Variants in CBX5 observed in about 807,000 individuals in gnomAD.
CBX5 encodes the protein chromobox protein homolog 5.
In CBX5, 7 loss-of-function variants were observed where a neutral mutation model predicts 20.7. The ratio of observed to expected loss-of-function variants is 0.34; its 90% CI spans 0.19 to 0.63. The LOEUF (loss-of-function observed/expected upper bound fraction) is 0.63. Ranked by LOEUF, CBX5 falls within the 30% of genes least tolerant of loss-of-function variation. The pLI is 0.75. For missense variants in CBX5, 110 were observed against 224.1 expected (o/e 0.49, Z 3.25); for synonymous variants, 78 against 77.0 (o/e 1.01, Z -0.07).
Position 54,231,402 on chromosome 12 carries a change from T to G in CBX5, c.*10353A>C, listed in dbSNP as rs1241976734. On this transcript the variant is annotated 3_prime_UTR_variant, in exon 5 of 5. Coordinates refer to ENST00000209875, the MANE Select transcript of CBX5 (RefSeq NM_012117.3). ...GGCTACTTGGCAGGGAGTCAGACTG[T>G]GCTCTCTCCATTCCCCAGGACTCCA... 6.5e-6 allele frequency: 1 copy of G among 154,666 alleles called. No individual in the cohort carries two copies. Among genetic ancestry groups the G allele is most frequent in the Non-Finnish European group, 1.5e-5 (1 of 68,084 alleles). 9.6% of individuals were successfully genotyped at this position (154,666 alleles called of 1,614,324 possible).
chr12:54,257,537 T>G lies in CBX5; in HGVS notation c.114A>C (p.Leu38=). Residue 38 remains leucine (L), a synonymous_variant, in exon 2 of 5, where the codon CTA becomes CTC. Transcript: ENST00000209875. ...RRVVKGQVEY[L]LKWKGFSEEH... ...ACTCAGAAAAGCCTTTCCACTTCAG[T>G]AGATATTCCACTTGTCCCTTAACCA... 1.9e-6 allele frequency: 3 copies of G among 1,614,050 alleles called. No individual in the cohort carries two copies. Among genetic ancestry groups the G allele is most frequent in the East Asian group, 2.2e-5 (1 of 44,888 alleles).
rs1192733052 is a variant in CBX5, at chr12:54,249,584, C to T, written c.324+2457G>A. ...GCTGGAAGATTCCGAAGTAGACTTA[C>T]GCTTTTATGAAATGTAAAGTGTATG... On this transcript the variant is annotated intron_variant, in intron 3 of 4. Transcript: ENST00000209875. 4.6e-5 allele frequency among the ~76,000 whole-genome samples: 7 copies of T among 151,914 alleles called. No individual in the cohort carries two copies. In the East Asian group the frequency reaches 1.2e-3, roughly 25 times the overall value.
intron 3 of CBX5, among the ~76,000 whole-genome samples, chr12:54,250,109 C>T (rs1212679848): frequency 6.6e-6 from 1 of 152,060 alleles, no homozygotes; most frequent in African/African-American, 2.4e-5. Flanking sequence ...GTAATCCCAA[C>T]TACTCTGGAA....
chr12:54,259,936 C>T (rs1330233988), intron 1 of CBX5, among the ~76,000 whole-genome samples: 1 of 152,112 alleles, frequency 6.6e-6, no homozygotes, highest in Non-Finnish European at 1.5e-5. Context: ...CCTTCTACAA[C>T]ACGATCAGTA....
rs1592151202 is a variant in CBX5, at chr12:54,235,541, G to A, written c.*6214C>T. 2 of 152,242 alleles carry A rather than the reference G, an allele frequency of 1.3e-5. No individual in the cohort carries two copies. Among genetic ancestry groups the A allele is most frequent in the South Asian group, 2.1e-4 (1 of 4,824 alleles). 9.4% of individuals were successfully genotyped at this position (152,242 alleles called of 1,614,324 possible). On this transcript the variant is annotated 3_prime_UTR_variant, in exon 5 of 5. Coordinates refer to ENST00000209875, the MANE Select transcript of CBX5 (RefSeq NM_012117.3). The stretch of plus-strand genomic sequence containing the variant: ...AGGCAGGAGAATGGCGTGAACCCGG[G>A]AGGTGGAGCTTGCAGTGAGCCGAGA...
At chr12:54,253,793 C>T (rs1485788698) in intron 2 of CBX5, among the ~76,000 whole-genome samples, 2 of 147,142 alleles carry the variant, frequency 1.4e-5, no homozygotes, top group Non-Finnish European at 3.0e-5. Flanking sequence ...GATGGAGTCT[C>T]ACTCTGTCTT....
At chr12:54,250,589 A>G (rs1943785583) in intron 3 of CBX5, among the ~76,000 whole-genome samples, 1 of 149,764 alleles carries the variant, frequency 6.7e-6, no homozygotes, top group Middle Eastern at 3.4e-3. Context: ...GTGGATCATG[A>G]GGTCAGGAGA....
chr12:54,257,892 G>A (rs910601379), intron 1 of CBX5, among the ~76,000 whole-genome samples, 200 bp from the exon 2 acceptor site: 3 of 152,030 alleles, frequency 2.0e-5, no homozygotes, highest in South Asian at 4.1e-4. Flanking sequence ...CCTCCTCTTC[G>A]GCTAAAGAGA....
chr12:54,243,319 T>C (rs919492669), intron 4 of CBX5, among the ~76,000 whole-genome samples: 2 of 152,150 alleles, frequency 1.3e-5, no homozygotes, highest in African/African-American at 4.8e-5. Context: ...CTCATACCTA[T>C]AATCCCAGCA....
Position 54,236,785 on chromosome 12 carries a change from T to C in CBX5, c.*4970A>G, listed in dbSNP as rs2137005368. Reference sequence around the variant, plus strand: ...TATTTTATGCCCTCAAAACTGAACCTTAAGGTAGAGACAATTGCTCCCCGG... The same window carrying C: ...TATTTTATGCCCTCAAAACTGAACCCTAAGGTAGAGACAATTGCTCCCCGG... On this transcript the variant is annotated 3_prime_UTR_variant, in exon 5 of 5. Transcript: ENST00000209875. The C allele has an allele frequency of 6.6e-6, 1 of 152,258 alleles. No individual in the cohort carries two copies. Among genetic ancestry groups the C allele is most frequent in the South Asian group, 2.1e-4 (1 of 4,826 alleles). The allele number at this position is 152,258 out of a possible 1,614,324, so 9.4% of individuals were successfully genotyped here.
rs1426130987 is a variant in CBX5, at chr12:54,237,973, C to T, written c.*3782G>A. ...TTGGGAGGCCAAGGTGGGCAGATCA[C>T]AAGGTCAGGAAATCGAGACCATCCT... is the stretch of plus-strand genomic sequence containing the variant. On this transcript the variant is annotated 3_prime_UTR_variant, in exon 5 of 5. Transcript: ENST00000209875. 2 of 152,308 alleles carry T rather than the reference C, an allele frequency of 1.3e-5. No homozygotes were observed. The highest frequency in any genetic ancestry group is 3.9e-4 in the East Asian group (2 of 5,172). 9.4% of individuals were successfully genotyped at this position (152,308 alleles called of 1,614,324 possible).
chr12:54,269,019 T>G (rs1387742445), intron 1 of CBX5, among the ~76,000 whole-genome samples: 1 of 152,146 alleles, frequency 6.6e-6, no homozygotes, highest in South Asian at 2.1e-4. Flanking sequence ...TCCCAGCACT[T>G]TGGGAGGCTG....
rs1021709769 is a variant in CBX5, at chr12:54,234,885, G to A, written c.*6870C>T. ...TCAGAATGAAAAGGCAAGAGAACAA[G>A]CTGTCAATGAACAGGAAAAATTCCA... On this transcript the variant is annotated 3_prime_UTR_variant, in exon 5 of 5. Coordinates refer to ENST00000209875, the MANE Select transcript of CBX5 (RefSeq NM_012117.3). 3 of 152,194 alleles carry A rather than the reference G, an allele frequency of 2.0e-5. No homozygotes were observed. The highest frequency in any genetic ancestry group is 7.2e-5 in the African/African-American group (3 of 41,446). 9.4% of individuals were successfully genotyped at this position (152,194 alleles called of 1,614,324 possible).
rs573433467 is a variant in CBX5 at position 54,246,234 on chromosome 12, G to T, written c.325-19C>A. 2.0e-5 allele frequency: 31 copies of T among 1,570,728 alleles called. No individual in the cohort carries two copies. In the South Asian group the frequency reaches 3.0e-4, roughly 15 times the overall value. On this transcript the variant is annotated intron_variant, in intron 3 of 4. Coordinates refer to ENST00000209875, the MANE Select transcript of CBX5 (RefSeq NM_012117.3). The stretch of plus-strand genomic sequence containing the variant: ...TGCTCTGCTATAAATAGAAGATAAA[G>T]AAAGGTTACAGCTTGTGGAAAGAGT...
chr12:54,259,876 T>A (rs1592160655), intron 1 of CBX5, among the ~76,000 whole-genome samples: 1 of 152,166 alleles, frequency 6.6e-6, no homozygotes, highest in Non-Finnish European at 1.5e-5. Context: ...CATTTTAAGA[T>A]CATCTAACAA....
In CBX5 at chr12:54,238,596, C is replaced by T. The variant is rs1357264326; in HGVS notation, c.*3159G>A. ...TCTGAAAGACAATACAATTTTAGTA[C>T]TGGGGGAAAAAAAACTAGATTGTTA... On this transcript the variant is annotated 3_prime_UTR_variant, in exon 5 of 5. Coordinates refer to ENST00000209875, the MANE Select transcript of CBX5 (RefSeq NM_012117.3). 2 of 152,022 alleles carry T rather than the reference C, an allele frequency of 1.3e-5. No individual in the cohort carries two copies. The highest frequency in any genetic ancestry group is 2.9e-5 in the Non-Finnish European group (2 of 67,992). 9.4% of individuals were successfully genotyped at this position (152,022 alleles called of 1,614,324 possible).
intron 2 of CBX5, among the ~76,000 whole-genome samples, chr12:54,253,939 C>T (rs867707110): frequency 6.6e-6 from 1 of 151,572 alleles, no homozygotes; most frequent in African/African-American, 2.4e-5. Context: ...TTAGTAGAGA[C>T]GGGGTTTCAC....
intron 2 of CBX5, among the ~76,000 whole-genome samples, chr12:54,252,950 T>C (rs1452830819): frequency 7.2e-6 from 1 of 138,542 alleles, no homozygotes; most frequent in Non-Finnish European, 1.5e-5. Flanking sequence ...GTGCCACTCC[T>C]GCCTGGGCGA....
chr12:54,253,521 T>C (rs1044464703), intron 2 of CBX5, among the ~76,000 whole-genome samples: 2 of 151,902 alleles, frequency 1.3e-5, no homozygotes, highest in East Asian at 1.9e-4. Context: ...AGCCCAACAG[T>C]TCAAAGACCA....
Sources: allele counts gnomAD v4.1 joint callset (sites outside exome capture counted in the v4.1 genomes callset), GRCh38; gene constraint gnomAD v4.1.1; transcripts MANE v1.5; gene names NCBI Gene and HGNC (gene_info 2026-07-23, HGNC 2026-07-21).